Variants in UGT1A6 observed in about 807,000 individuals in gnomAD.
UGT1A6 encodes the protein UDP glucuronosyltransferase family 1 member A6, also known as UDP-glucuronosyltransferase 1A6.
Under a neutral mutation model 44.4 loss-of-function variants are expected in UGT1A6, and 32 were observed. That is an observed-to-expected ratio of 0.72 (90% CI 0.54 to 0.97). The LOEUF (loss-of-function observed/expected upper bound fraction) is 0.97. Ranked by LOEUF, UGT1A6 falls within the 50% of genes least tolerant of loss-of-function variation. The pLI is 0.00. For synonymous variants in UGT1A6, 238 were observed against 248.5 expected (o/e 0.96, Z 0.40); for missense variants, 685 against 661.9 (o/e 1.03, Z -0.38).
intron 1 of UGT1A6, chr2:233,713,171 C>G (rs1260839534): frequency 1.2e-6 from 2 of 1,614,088 alleles, no homozygotes; most frequent in Non-Finnish European, 8.5e-7. Flanking sequence ...AGGTGGTGGT[C>G]CTCACCCTGG....
Position 233,713,865 on chromosome 2 carries a change from A to G in UGT1A6, c.861+20000A>G, listed in dbSNP as rs752542051. On this transcript the variant is annotated intron_variant, in intron 1 of 4. Coordinates refer to ENST00000305139, the MANE Select transcript of UGT1A6 (RefSeq NM_001072.4). ...CGGGAAGCCACTATCTCAGGTCTGT[A>G]TTGGTGCCTTTATCCAATCAATGTT... 5.8e-5 allele frequency: 93 copies of G among 1,613,866 alleles called. No individual in the cohort carries two copies. In the African/African-American group the frequency reaches 1.1e-3, roughly 20 times the overall value.
At chr2:233,730,680 C>T (rs1218688522) in intron 1 of UGT1A6, among the ~76,000 whole-genome samples, 1 of 152,088 alleles carries the variant, frequency 6.6e-6, no homozygotes, top group African/African-American at 2.4e-5. Flanking sequence ...GTAATGGTTG[C>T]ATCTCAAATG....
intron 1 of UGT1A6, among the ~76,000 whole-genome samples, chr2:233,762,541 G>A (rs1437791654): frequency 6.6e-6 from 1 of 152,290 alleles, no homozygotes; most frequent in African/African-American, 2.4e-5. Flanking sequence ...GTGTACCACA[G>A]TGTATTCTGC....
intron 1 of UGT1A6, among the ~76,000 whole-genome samples, chr2:233,704,855 C>A (rs1453613831): frequency 6.6e-6 from 1 of 152,046 alleles, no homozygotes; most frequent in African/African-American, 2.4e-5. Flanking sequence ...AGAATAGGGC[C>A]GGGCACGGTG....
At chr2:233,761,168 G>A in intron 1 of UGT1A6, 1 of 1,614,168 alleles carries the variant, frequency 6.2e-7, no homozygotes, top group Non-Finnish European at 8.5e-7. Context: ...ATTGGAGTGG[G>A]ACTTTTACAT....
chr2:233,729,866 A>G (rs1305518931), intron 1 of UGT1A6: 3 of 1,613,610 alleles, frequency 1.9e-6, no homozygotes, highest in South Asian at 2.2e-5. Context: ...TCAGTGGTGG[A>G]TATTCTCAGT....
At chr2:233,768,580 T>TTA in intron 4 of UGT1A6, 141 bp downstream of exon 4, 2 of 1,335,112 alleles carry the variant, frequency 1.5e-6, no homozygotes, top group Non-Finnish European at 1.9e-6. Context: ...TTTTTATTTC[T>TTA]TCTTTTTTTT....
intron 1 of UGT1A6, chr2:233,717,851 C>G (rs1207053038): frequency 2.2e-6 from 1 of 455,084 alleles, no homozygotes; most frequent in Non-Finnish European, 4.4e-6. Flanking sequence ...CTTATCAGAA[C>G]TTGGTGCTGG....
chr2:233,754,735 A>C, intron 1 of UGT1A6: 1 of 652,450 alleles, frequency 1.5e-6, no homozygotes, highest in South Asian at 1.5e-5. Flanking sequence ...TCACTACCGT[A>C]GGACATGCAG....
intron 1 of UGT1A6, among the ~76,000 whole-genome samples, chr2:233,732,486 A>G (rs780972639): frequency 6.6e-6 from 1 of 152,226 alleles, no homozygotes; most frequent in Non-Finnish European, 1.5e-5. Context: ...TAATTTTTGT[A>G]TAAGGCGTAA....
Position 233,730,160 on chromosome 2 carries a change from G to A in UGT1A6, c.861+36295G>A, listed in dbSNP as rs546399055. 7.2e-5 allele frequency among the ~76,000 whole-genome samples: 11 copies of A among 152,316 alleles called. No homozygotes were observed. The East Asian group carries it at 1.7e-3, about 24-fold the overall frequency. On this transcript the variant is annotated intron_variant, in intron 1 of 4. Coordinates refer to ENST00000305139, the MANE Select transcript of UGT1A6 (RefSeq NM_001072.4). ...GAGATAAACTGTTAAGGGGTCTCTA[G>A]TAGCGTATTTCAGGTTTTAAATGGT...
intron 1 of UGT1A6, chr2:233,713,942 C>T (rs2076357751): frequency 6.2e-7 from 1 of 1,610,038 alleles, no homozygotes; most frequent in Non-Finnish European, 8.5e-7. Context: ...GCTTCCATAT[C>T]TACTTATCTT....
At chr2:233,707,336 T>G (rs2075956257) in intron 1 of UGT1A6, among the ~76,000 whole-genome samples, 1 of 152,282 alleles carries the variant, frequency 6.6e-6, no homozygotes, top group East Asian at 1.9e-4. Context: ...CCATGGTGGT[T>G]TGCTGCCCAG....
chr2:233,743,747 G>A (rs370175895), intron 1 of UGT1A6: 9 of 1,367,226 alleles, frequency 6.6e-6, no homozygotes, highest in African/African-American at 1.5e-5. Flanking sequence ...CTTGGCGTCC[G>A]ACAACACCTC....
chr2:233,733,522 T>C (rs2078409587), intron 1 of UGT1A6, among the ~76,000 whole-genome samples: 1 of 152,228 alleles, frequency 6.6e-6, no homozygotes, highest in Non-Finnish European at 1.5e-5. Flanking sequence ...CATGAAGGGA[T>C]GTTTAATTTT....
intron 1 of UGT1A6, among the ~76,000 whole-genome samples, chr2:233,732,141 T>C (rs532123817): frequency 6.6e-6 from 1 of 151,874 alleles, no homozygotes; most frequent in South Asian, 2.1e-4. Context: ...TGTTTGTTTG[T>C]TTTTTTTCTT....
In UGT1A6 at chr2:233,702,349, G is replaced by GT. The variant is rs545005076; in HGVS notation, c.861+8493dup. 6.4e-4 allele frequency among the ~76,000 whole-genome samples: 97 copies of GT among 151,202 alleles called. No individual in the cohort carries two copies. In the South Asian group the frequency reaches 0.013, roughly 20 times the overall value. On this transcript the variant is annotated intron_variant, in intron 1 of 4. Coordinates refer to ENST00000305139, the MANE Select transcript of UGT1A6 (RefSeq NM_001072.4). ...CTGAACTTGTTTATTTGTTCTAATA[G>GT]TTTTTTTTTAGTGGATTTCGTAGGA... is the stretch of plus-strand genomic sequence containing the variant.
intron 1 of UGT1A6, chr2:233,747,125 G>A (rs1221297675): frequency 2.0e-6 from 3 of 1,497,444 alleles, no homozygotes; most frequent in Admixed American, 3.8e-5. Flanking sequence ...TTGCTAAGTG[G>A]CTCAGTGACA....
At chr2:233,712,115 T>G (rs1346814908) in intron 1 of UGT1A6, among the ~76,000 whole-genome samples, 1 of 152,228 alleles carries the variant, frequency 6.6e-6, no homozygotes, top group Non-Finnish European at 1.5e-5. Flanking sequence ...CTAAGCAGAC[T>G]TGCAGAAGAC....
Sources: allele counts gnomAD v4.1 joint callset (sites outside exome capture counted in the v4.1 genomes callset), GRCh38; gene constraint gnomAD v4.1.1; transcripts MANE v1.5; gene names NCBI Gene and HGNC (gene_info 2026-07-23, HGNC 2026-07-21).